Variants in CARD9 observed in about 807,000 individuals in gnomAD.
CARD9 encodes the protein caspase recruitment domain family member 9.
Under a neutral mutation model 66.0 loss-of-function variants are expected in CARD9, and 53 were observed. That is an observed-to-expected ratio of 0.80 (90% CI 0.64 to 1.01). CARD9 has a LOEUF of 1.01. Among genes scored for constraint, CARD9 ranks in the 50% least tolerant of loss-of-function variants. The pLI is 0.00. For synonymous variants in CARD9, 387 were observed against 313.8 expected (o/e 1.23, Z -2.47); for missense variants, 769 against 743.2 (o/e 1.03, Z -0.40).
chr9:136,372,827 C>CT (rs1833308077), intron 1 of CARD9, among the ~76,000 whole-genome samples: 1 of 152,228 alleles, frequency 6.6e-6, no homozygotes, highest in African/African-American at 2.4e-5. Flanking sequence ...CTGGGAGGGG[C>CT]TGTCAGTGTT....
Position 136,369,730 on chromosome 9 carries a change from C to G in CARD9, c.1077+20G>C, listed in dbSNP as rs558323305. On this transcript the variant is annotated intron_variant, in intron 7 of 12. Transcript: ENST00000371732. ...CCACCCGCGAGTGGGGTGCTTTGTCCTGCCCCTGCGAGTGCCCACCTGGTC... is the reference window on the plus strand; with the variant it reads ...CCACCCGCGAGTGGGGTGCTTTGTCGTGCCCCTGCGAGTGCCCACCTGGTC... 3 of 1,579,688 alleles carry G rather than the reference C, an allele frequency of 1.9e-6. No homozygotes were observed. Among genetic ancestry groups the G allele is most frequent in the Non-Finnish European group, 1.7e-6 (2 of 1,163,932 alleles).
Position 136,364,381 on chromosome 9 carries a change from A to T in CARD9, c.1532T>A (p.Met511Lys). The T allele has an allele frequency of 6.4e-7, 1 of 1,562,902 alleles. No individual in the cohort carries two copies. The highest frequency in any genetic ancestry group is 1.2e-5 in the South Asian group (1 of 85,340). The change falls in exon 13 of 13, where the codon ATG becomes AAG. Residue 511 changes from methionine to lysine, a missense_variant. Coordinates refer to ENST00000371732, the MANE Select transcript of CARD9 (RefSeq NM_052813.5). ...CTCCCCCTGCCGCCATCCTTTCTGC[A>T]TCTTCCTGAGGGCGCGCTTCCTGTG... The part of the protein sequence containing the change: ...NYRRKRALRK[M>K]QKGWRQGEED...
At position 136,371,992 on chromosome 9, in the gene CARD9, G is replaced by T. The variant is rs1833287715; in HGVS notation, c.87C>A (p.Arg29=). 6.2e-7 allele frequency: 1 copy of T among 1,612,686 alleles called. No individual in the cohort carries two copies. The highest frequency in any genetic ancestry group is 1.7e-5 in the Admixed American group (1 of 60,006). The change falls in exon 2 of 13, where the codon CGC becomes CGA. Residue 29 remains arginine (R), a synonymous_variant. Transcript: ENST00000371732. ...TGCACTGCCGCAGGTAAGGTGTGAT[G>T]CGTGAGGGGTCGATGACCGAGGTGA... is the stretch of plus-strand genomic sequence containing the variant. The part of the protein sequence containing the change: ...VTLTSVIDPS[R]ITPYLRQCKV...
rs1833236472 is a variant in CARD9, at chr9:136,370,447, G to A, written c.808-10C>T. On this transcript the variant is annotated splice_polypyrimidine_tract_variant and intron_variant, in intron 5 of 12. Coordinates refer to ENST00000371732, the MANE Select transcript of CARD9 (RefSeq NM_052813.5). ...TGTCCAGCTTCCCCTCCTGAAGGGG[G>A]CAAAAGGCAATGGCCTGGCTGGGAA... The A allele has an allele frequency of 1.2e-6, 2 of 1,609,060 alleles. No individual in the cohort carries two copies. The highest frequency in any genetic ancestry group is 1.7e-5 in the Admixed American group (1 of 59,652).
chr9:136,365,079 T>C, intron 11 of CARD9, 62 bp downstream of exon 11: 5 of 1,536,794 alleles, frequency 3.3e-6, no homozygotes, highest in Non-Finnish European at 2.7e-6. Context: ...GGAGCCACTC[T>C]CCCTGTGATC....
At chr9:136,366,671 T>C (rs1833131538) in intron 10 of CARD9, 129 bp downstream of exon 10, 1 of 1,000,812 alleles carries the variant, frequency 1.0e-6, no homozygotes, top group African/African-American at 1.6e-5. Context: ...CCAGCCCCAG[T>C]TTCCCTGTCT....
chr9:136,371,675 G>A (rs927089372), intron 2 of CARD9, among the ~76,000 whole-genome samples: 2 of 151,254 alleles, frequency 1.3e-5, no homozygotes, highest in African/African-American at 4.8e-5. Context: ...CCCCCGCTGC[G>A]GTGGGAGCCC....
intron 2 of CARD9, 39 bp downstream of exon 2, chr9:136,371,856 G>C (rs1245553400): frequency 2.6e-6 from 4 of 1,565,640 alleles, no homozygotes; most frequent in Non-Finnish European, 3.5e-6. Context: ...TGACTCTGTG[G>C]TTGGGTTTGG....
chr9:136,365,632 G>A (rs1319158060), intron 10 of CARD9: 1 of 222,700 alleles, frequency 4.5e-6, no homozygotes, highest in Non-Finnish European at 9.1e-6. Flanking sequence ...GGGTCCTCCT[G>A]AAGTGGGGGC....
At position 136,372,070 on chromosome 9, in the gene CARD9, G is replaced by C; in HGVS notation, c.9C>G (p.Asp3Glu). Residue 3 changes from aspartate to glutamate, a missense_variant, in exon 2 of 13, where the codon GAC becomes GAG. Asp to Glu is a conservative substitution (Grantham distance 45). Coordinates refer to ENST00000371732, the MANE Select transcript of CARD9 (RefSeq NM_052813.5). MS[D>E]YENDDECWSV... ...TCCAGCACTCGTCATCGTTCTCGTA[G>C]TCCGACATGGCCTCAGCAGGCAGGC... The C allele has an allele frequency of 6.2e-7, 1 of 1,612,674 alleles. No homozygotes were observed. Among genetic ancestry groups the C allele is most frequent in the Admixed American group, 1.7e-5 (1 of 60,022 alleles).
chr9:136,368,001 G>C (rs1833168782), intron 7 of CARD9, 173 bp from the exon 8 acceptor site: 1 of 1,421,788 alleles, frequency 7.0e-7, no homozygotes, highest in South Asian at 1.5e-5. Context: ...TCAGCACGTG[G>C]GGGATTGTAA....
chr9:136,364,680 C>G, intron 11 of CARD9, 121 bp from the exon 12 acceptor site: 1 of 980,348 alleles, frequency 1.0e-6, no homozygotes, highest in Non-Finnish European at 1.5e-6. Flanking sequence ...CCCAGACAGC[C>G]TCAGCTCAGC....
Position 136,370,369 on chromosome 9 carries a change from C to T in CARD9, c.876G>A (p.Arg292=), listed in dbSNP as rs1394164631. 6 of 1,609,880 alleles carry T rather than the reference C, an allele frequency of 3.7e-6. No homozygotes were observed. In the South Asian group the frequency reaches 4.4e-5, roughly 12 times the overall value. The change falls in exon 6 of 13, where the codon CGG becomes CGA. Residue 292 remains arginine (R), a synonymous_variant. Transcript: ENST00000371732. The part of the protein sequence containing the change: ...VLEEDWRQAL[R]DHQEQANTIF... ...TGGTGTTGGCCTGCTCCTGGTGGTC[C>T]CGCAGCGCCTGCCGCCAGTCCTCCT...
Position 136,373,527 on chromosome 9 carries a change from CCCACCTGAGGGTCTTCCAGGAG to C in CARD9, c.-34_-17+4del, listed in dbSNP as rs1417482495. On this transcript the variant is annotated splice_donor_variant and splice_donor_region_variant and 5_prime_UTR_variant and intron_variant, in exon 1 of 13. Transcript: ENST00000371732. LOFTEE classifies it low-confidence loss of function (5UTR_SPLICE). ...CACCTTTCAGAAAGCACCAGACCCA[CCCACCTGAGGGTCTTCCAGGAG>C]CCACCTGCACTGCAGACACACCAGG... 7 of 985,652 alleles carry C rather than the reference CCCACCTGAGGGTCTTCCAGGAG, an allele frequency of 7.1e-6. No homozygotes were observed. Among genetic ancestry groups the C allele is most frequent in the Non-Finnish European group, 8.4e-6 (7 of 830,118 alleles). The allele number at this position is 985,652 out of a possible 1,614,324, so 61.1% of individuals were successfully genotyped here.
chr9:136,373,649 A>G lies in CARD9; in HGVS notation c.-134T>C, dbSNP rs964891453. ...GGAGGAGCACGCCGGACGCCTGTGC[A>G]CTTCCTGATGGGTTCTGCTTAACTC... On this transcript the variant is annotated 5_prime_UTR_variant, in exon 1 of 13. Transcript: ENST00000371732. The G allele has an allele frequency of 1.3e-5, 11 of 872,766 alleles. No individual in the cohort carries two copies. The highest frequency in any genetic ancestry group is 1.8e-5 in the African/African-American group (1 of 54,962). The allele number at this position is 872,766 out of a possible 1,614,324, so 54.1% of individuals were successfully genotyped here. A position where few individuals can be genotyped will look rare whatever the true frequency, so the allele number is the denominator to read the frequency against.
Position 136,364,124 on chromosome 9 carries a change from C to T in CARD9, c.*178G>A. ...CATGGCCTCCGCAAAATGAGTGCCG[C>T]TTAACAAACGGCCCCAATGCCCGGC... On this transcript the variant is annotated 3_prime_UTR_variant, in exon 13 of 13. Coordinates refer to ENST00000371732, the MANE Select transcript of CARD9 (RefSeq NM_052813.5). 6.4e-7 allele frequency: 1 copy of T among 1,550,584 alleles called. No individual in the cohort carries two copies.
In CARD9 at chr9:136,371,080, CCTT is replaced by C. The variant is rs1192232588; in HGVS notation, c.385_387del (p.Lys129del). 2.5e-6 allele frequency: 4 copies of C among 1,612,646 alleles called. No individual in the cohort carries two copies. Among genetic ancestry groups the C allele is most frequent in the Non-Finnish European group, 2.5e-6 (3 of 1,179,978 alleles). On this transcript the variant is annotated inframe_deletion, in exon 4 of 13. Transcript: ENST00000371732. ...CTCAGCAGCGCGGTCAGGTCCTGCA[CCTT>C]CTTCTGCAGCTTCATGACCTCAGTC...
At chr9:136,364,596 C>A in intron 11 of CARD9, 37 bp from the exon 12 acceptor site, 1 of 1,528,222 alleles carries the variant, frequency 6.5e-7, no homozygotes, top group South Asian at 1.2e-5. Flanking sequence ...CGGCCGGCTC[C>A]CCTGAGGGAA....
intron 3 of CARD9, 37 bp downstream of exon 3, chr9:136,371,287 C>T (rs766405212): frequency 1.1e-5 from 17 of 1,585,640 alleles, no homozygotes; most frequent in Admixed American, 5.3e-5. Context: ...TCCCCGCCAG[C>T]GCCTCCCCTG....
Sources: allele counts gnomAD v4.1 joint callset (sites outside exome capture counted in the v4.1 genomes callset), GRCh38; gene constraint gnomAD v4.1.1; transcripts MANE v1.5; gene names NCBI Gene and HGNC (gene_info 2026-07-23, HGNC 2026-07-21).